Variants in KLF7 observed in about 807,000 individuals in gnomAD.
KLF7 encodes the protein Krueppel-like factor 7.
KLF7 carries 2 observed loss-of-function variants against 27.3 expected under a neutral mutation model. That is an observed-to-expected ratio of 0.07 (90% CI 0.03 to 0.23). The LOEUF is 0.23. KLF7 is among the 10% of genes least tolerant of loss of function. KLF7 has a pLI of 1.00. For missense variants in KLF7, 221 were observed against 394.1 expected, an observed-to-expected ratio of 0.56 and a Z score of 3.72; for synonymous variants, 165 against 162.4, an observed-to-expected ratio of 1.02 and a Z score of -0.12.
chr2:207,145,654 G>A lies in KLF7; in HGVS notation c.102+19813C>T, dbSNP rs76049831. ...CATTATGTCAGATGTGACTGTGAAT[G>A]TCACTAAGGAGTATTCTTTCCTGGC... is the stretch of plus-strand genomic sequence containing the variant. On this transcript the variant is annotated intron_variant, in intron 1 of 3. Transcript: ENST00000309446. 5.6e-4 allele frequency among the ~76,000 whole-genome samples: 85 copies of A among 152,322 alleles called. 1 individual carries two copies. The East Asian group carries it at 0.016, about 29-fold the overall frequency.
chr2:207,107,406 T>C (rs1309970158), intron 2 of KLF7, among the ~76,000 whole-genome samples: 4 of 152,204 alleles, frequency 2.6e-5, no homozygotes, highest in Non-Finnish European at 4.4e-5. Context: ...TCTCAGCTAC[T>C]GCTCCTACCA....
At position 207,165,591 on chromosome 2, in the gene KLF7, G is replaced by A; in HGVS notation, c.-23C>T. On this transcript the variant is annotated 5_prime_UTR_variant, in exon 1 of 4. Coordinates refer to ENST00000309446, the MANE Select transcript of KLF7 (RefSeq NM_003709.4). ...CATGCTGCTGCTGCCGGGCAAAACG[G>A]GAGGCGAAACCCTCCCCCGAACACA... The A allele has an allele frequency of 6.2e-7, 1 of 1,612,660 alleles. No homozygotes were observed. The highest frequency in any genetic ancestry group is 8.5e-7 in the Non-Finnish European group (1 of 1,179,962).
At chr2:207,124,722 T>C (rs767760593) in intron 1 of KLF7, among the ~76,000 whole-genome samples, 14 of 152,194 alleles carry the variant, frequency 9.2e-5, no homozygotes, top group Non-Finnish European at 1.5e-4. Context: ...GCAGGTAAGA[T>C]GCTCCAATTT....
intron 1 of KLF7, among the ~76,000 whole-genome samples, chr2:207,132,844 A>T (rs763501267): frequency 2.6e-4 from 40 of 152,292 alleles, no homozygotes; most frequent in Non-Finnish European, 5.1e-4. Flanking sequence ...TTCCTCATTC[A>T]TTATGTCTGT....
intron 2 of KLF7, among the ~76,000 whole-genome samples, chr2:207,090,885 A>G (rs2076495086): frequency 6.6e-6 from 1 of 152,168 alleles, no homozygotes; most frequent in Admixed American, 6.5e-5. Flanking sequence ...AATCTGGCAC[A>G]AACAAAAAAA....
In KLF7 at chr2:207,154,585, T is replaced by C. The variant is rs111917679; in HGVS notation, c.102+10882A>G. Among the ~76,000 whole-genome samples, 431 of 152,296 alleles carry C rather than the reference T, an allele frequency of 2.8e-3. 2 individuals are homozygous for C. Among genetic ancestry groups the C allele is most frequent in the African/African-American group, 9.0e-3 (375 of 41,546 alleles). ...CCTGCCTTCCATCATTTATTGTCTC[T>C]TGGGCATTCCAGGCTCACTGGGATC... On this transcript the variant is annotated intron_variant, in intron 1 of 3. Transcript: ENST00000309446.
intron 2 of KLF7, among the ~76,000 whole-genome samples, chr2:207,094,124 A>G (rs1279332976): frequency 1.3e-5 from 2 of 152,250 alleles, no homozygotes; most frequent in Non-Finnish European, 2.9e-5. Context: ...TGTCAAATGT[A>G]CTGTGCTATA....
intron 1 of KLF7, among the ~76,000 whole-genome samples, chr2:207,136,327 T>C (rs190756481): frequency 6.6e-6 from 1 of 152,306 alleles, no homozygotes; most frequent in Non-Finnish European, 1.5e-5. Flanking sequence ...TCTACTCCTC[T>C]GCTTCTCCCC....
At chr2:207,149,109 C>T in intron 1 of KLF7, 1 of 1,275,976 alleles carries the variant, frequency 7.8e-7, no homozygotes, top group Non-Finnish European at 1.0e-6. Flanking sequence ...ATAAATCTGT[C>T]TTTTCCCCAG....
intron 1 of KLF7, among the ~76,000 whole-genome samples, chr2:207,147,776 A>G (rs1371474556): frequency 6.6e-6 from 1 of 152,180 alleles, no homozygotes; most frequent in East Asian, 1.9e-4. Flanking sequence ...AAGCTGGCGA[A>G]GCTCCTGTGT....
At chr2:207,085,390 C>T (rs1466945655) in intron 3 of KLF7, among the ~76,000 whole-genome samples, 1 of 151,974 alleles carries the variant, frequency 6.6e-6, no homozygotes. Flanking sequence ...CTGAGTCAGT[C>T]GGTAGAATGA....
At chr2:207,110,794 A>T (rs2077016235) in intron 2 of KLF7, among the ~76,000 whole-genome samples, 1 of 152,230 alleles carries the variant, frequency 6.6e-6, no homozygotes, top group Admixed American at 6.5e-5. Flanking sequence ...ATTGTTAAAG[A>T]TCATAAAAGG....
intron 2 of KLF7, among the ~76,000 whole-genome samples, chr2:207,091,086 CA>C (rs2076500324): frequency 6.6e-6 from 1 of 152,094 alleles, no homozygotes; most frequent in South Asian, 2.1e-4. Context: ...GAATCAATCC[CA>C]AAATCGAACT....
intron 2 of KLF7, among the ~76,000 whole-genome samples, chr2:207,099,957 C>T (rs1039773845): frequency 2.6e-5 from 4 of 152,126 alleles, no homozygotes; most frequent in Admixed American, 1.3e-4. Context: ...TGGTAGGTCC[C>T]TGTCTCTACA....
chr2:207,169,811 A>G (rs2078773612), upstream of KLF7, among the ~76,000 whole-genome samples: 1 of 152,194 alleles, frequency 6.6e-6, no homozygotes, highest in Non-Finnish European at 1.5e-5. Flanking sequence ...TTAAGGCACC[A>G]TGAACTGTGC....
intron 3 of KLF7, among the ~76,000 whole-genome samples, chr2:207,083,296 C>T (rs1427125068): frequency 6.6e-6 from 1 of 152,160 alleles, no homozygotes; most frequent in Non-Finnish European, 1.5e-5. Context: ...CTTTCCCTCT[C>T]TCCCTCTCTT....
At position 207,165,807 on chromosome 2, in the gene KLF7, T is replaced by G; in HGVS notation, c.-239A>C. On this transcript the variant is annotated 5_prime_UTR_variant, in exon 1 of 4. Transcript: ENST00000309446. ...GGAGAGAGGCATCCAGCGTGTACAGTGCAGACGACTGCCAGGAAAAGGGGA... is the reference window on the plus strand; with the variant it reads ...GGAGAGAGGCATCCAGCGTGTACAGGGCAGACGACTGCCAGGAAAAGGGGA... 1 of 1,355,158 alleles carries G rather than the reference T, an allele frequency of 7.4e-7. No homozygotes were observed. The allele number at this position is 1,355,158 out of a possible 1,614,324, so 83.9% of individuals were successfully genotyped here.
intron 3 of KLF7, among the ~76,000 whole-genome samples, chr2:207,082,832 AAAAC>A (rs1274944883): frequency 6.6e-6 from 1 of 152,142 alleles, no homozygotes; most frequent in African/African-American, 2.4e-5. Context: ...GTTCATTCTT[AAAAC>A]AAACAAAAAA....
intron 1 of KLF7, among the ~76,000 whole-genome samples, chr2:207,155,889 T>G (rs2078368483): frequency 1.3e-5 from 2 of 152,234 alleles, no homozygotes; most frequent in Admixed American, 1.3e-4. Context: ...CTCCTTTGTA[T>G]GCTGAGCAAA....
Sources: gnomAD v4.1 joint callset for allele counts (sites outside exome capture counted in the v4.1 genomes callset) on GRCh38, gnomAD v4.1.1 for gene constraint, MANE v1.5 for transcripts, NCBI Gene and HGNC (gene_info 2026-07-23, HGNC 2026-07-21) for gene names.